INSYN1: variants seen among roughly 807,000 people sequenced by gnomAD.
INSYN1 encodes the protein UPF0583 protein C15orf59.
Under a neutral mutation model 17.1 loss-of-function variants are expected in INSYN1, and 7 were observed. The observed-to-expected ratio is 0.41, with a 90% CI of 0.23 to 0.77. The LOEUF is 0.77. Ranked by LOEUF, INSYN1 falls within the 30% of genes least tolerant of loss-of-function variation. INSYN1 has a pLI of 0.32. For synonymous variants in INSYN1, 174 were observed against 166.3 expected (o/e 1.05, Z -0.36); for missense variants, 339 against 400.6 (o/e 0.85, Z 1.31).
rs532646820 is a variant in INSYN1 at position 73,738,002 on chromosome 15, C to T, written c.*1915G>A. 2 of 152,384 alleles carry T rather than the reference C, an allele frequency of 1.3e-5. No individual in the cohort carries two copies. Among genetic ancestry groups the T allele is most frequent in the East Asian group, 1.9e-4 (1 of 5,182 alleles). 9.4% of individuals were successfully genotyped at this position (152,384 alleles called of 1,614,324 possible). Reference sequence around the variant, plus strand: ...GACCAAGCAATGGAGTGTTTGTGACCCAGGGGTGGCTCCCAGTTGGATGGA... The same window carrying T: ...GACCAAGCAATGGAGTGTTTGTGACTCAGGGGTGGCTCCCAGTTGGATGGA... On this transcript the variant is annotated 3_prime_UTR_variant, in exon 3 of 3. Transcript: ENST00000569673.
intron 2 of INSYN1, among the ~76,000 whole-genome samples, chr15:73,746,201 G>A (rs1017774468): frequency 3.8e-4 from 58 of 152,032 alleles, no homozygotes; most frequent in African/African-American, 1.4e-3. Context: ...TTCTTGGGGG[G>A]CTGTGGAGTT....
chr15:73,740,682 G>A (rs767796793), intron 2 of INSYN1, 40 bp from the exon 3 acceptor site: 14 of 1,515,308 alleles, frequency 9.2e-6, no homozygotes, highest in East Asian at 4.5e-5. Flanking sequence ...GGGGCCAGGT[G>A]GGTCCCTGCA....
chr15:73,750,878 G>A (rs965651430), intron 2 of INSYN1, 97 bp downstream of exon 2: 25 of 1,340,806 alleles, frequency 1.9e-5, no homozygotes, highest in Admixed American at 6.8e-5. Context: ...TGTGCACGCA[G>A]CTTTGCACAC....
chr15:73,737,381 C>T lies in INSYN1; in HGVS notation c.*2536G>A, dbSNP rs1216282438. 6.6e-6 allele frequency: 1 copy of T among 152,360 alleles called. No homozygotes were observed. Among genetic ancestry groups the T allele is most frequent in the Non-Finnish European group, 1.5e-5 (1 of 68,130 alleles). 9.4% of individuals were successfully genotyped at this position (152,360 alleles called of 1,614,324 possible). ...GGTCGGGGACTGCCCCCTTCTCACTCTCAGGGTGGGGCGGAATGCAGCTGG... is the reference window on the plus strand; with the variant it reads ...GGTCGGGGACTGCCCCCTTCTCACTTTCAGGGTGGGGCGGAATGCAGCTGG... On this transcript the variant is annotated 3_prime_UTR_variant, in exon 3 of 3. Transcript: ENST00000569673.
At chr15:73,744,028 T>G (rs1046193374) in intron 2 of INSYN1, among the ~76,000 whole-genome samples, 8 of 152,032 alleles carry the variant, frequency 5.3e-5, no homozygotes, top group Non-Finnish European at 1.5e-5. Context: ...AAGTTCATCA[T>G]CAAAGGAGAA....
chr15:73,740,076 C>A lies in INSYN1; in HGVS notation c.723G>T (p.Arg241=). Residue 241 remains arginine, a synonymous_variant, in exon 3 of 3, where the codon CGG becomes CGT. Transcript: ENST00000569673. ...HKPSPAPYKS[R]RSPLTSRHSG... ...AGTGGCGGCTGGTCAGTGGAGAGCG[C>A]CGTGACTTGTAGGGGGCTGGGGAGG... 6.2e-7 allele frequency: 1 copy of A among 1,613,708 alleles called. No individual in the cohort carries two copies.
At chr15:73,741,182 G>C (rs1901682733) in intron 2 of INSYN1, among the ~76,000 whole-genome samples, 1 of 152,196 alleles carries the variant, frequency 6.6e-6, no homozygotes, top group African/African-American at 2.4e-5. Context: ...ACTGGTGACT[G>C]TCGCCCCTGG....
chr15:73,747,784 C>G (rs1041816460), intron 2 of INSYN1, among the ~76,000 whole-genome samples: 1 of 152,156 alleles, frequency 6.6e-6, no homozygotes, highest in Non-Finnish European at 1.5e-5. Context: ...GCTTAGAGAA[C>G]CTGCTGGGAC....
At position 73,737,657 on chromosome 15, in the gene INSYN1, G is replaced by C. The variant is rs763723584; in HGVS notation, c.*2260C>G. ...TGAGGAATAAGCTCTACATTGCAGAGCCTCCTAGGTCTGCTCAGTCTTATC... is the reference window on the plus strand; with the variant it reads ...TGAGGAATAAGCTCTACATTGCAGACCCTCCTAGGTCTGCTCAGTCTTATC... On this transcript the variant is annotated 3_prime_UTR_variant, in exon 3 of 3. Transcript: ENST00000569673. 6.6e-6 allele frequency: 1 copy of C among 152,250 alleles called. No homozygotes were observed. Among genetic ancestry groups the C allele is most frequent in the Non-Finnish European group, 1.5e-5 (1 of 68,086 alleles). 9.4% of individuals were successfully genotyped at this position (152,250 alleles called of 1,614,324 possible).
rs1056377659 is a variant in INSYN1 at position 73,752,259 on chromosome 15, G to T, written c.-717C>A. On this transcript the variant is annotated 5_prime_UTR_variant, in exon 1 of 3. Coordinates refer to ENST00000569673, the MANE Select transcript of INSYN1 (RefSeq NM_001039614.3). The surrounding 1 kb of genome is among the most constrained non-coding windows in gnomAD (Gnocchi z 5.2). ...CAGGGAGGTCCTCCGAGCCGTGACC[G>T]GAGACATCTGGGCGGTGGGAGGGGG... 2 of 152,378 alleles carry T rather than the reference G, an allele frequency of 1.3e-5. No homozygotes were observed. Among genetic ancestry groups the T allele is most frequent in the East Asian group, 3.9e-4 (2 of 5,144 alleles). 9.4% of individuals were successfully genotyped at this position (152,378 alleles called of 1,614,324 possible).
Position 73,738,069 on chromosome 15 carries a change from G to A in INSYN1, c.*1848C>T, listed in dbSNP as rs891947403. The A allele has an allele frequency of 2.6e-5, 4 of 152,280 alleles. No homozygotes were observed. Among genetic ancestry groups the A allele is most frequent in the African/African-American group, 9.6e-5 (4 of 41,454 alleles). The allele number at this position is 152,280 out of a possible 1,614,324, so 9.4% of individuals were successfully genotyped here. ...ATCCCACTCAAAGCCCCTGTGCCCTGGAAATCACTGGACATCTGGGTTGAG... is the reference window on the plus strand; with the variant it reads ...ATCCCACTCAAAGCCCCTGTGCCCTAGAAATCACTGGACATCTGGGTTGAG... On this transcript the variant is annotated 3_prime_UTR_variant, in exon 3 of 3. Transcript: ENST00000569673.
At chr15:73,743,515 G>T (rs1314429591) in intron 2 of INSYN1, among the ~76,000 whole-genome samples, 1 of 152,026 alleles carries the variant, frequency 6.6e-6, no homozygotes, top group African/African-American at 2.4e-5. Flanking sequence ...CTCACCCAGG[G>T]TGATGAAAAT....
intron 2 of INSYN1, among the ~76,000 whole-genome samples, chr15:73,749,339 A>G (rs553593584): frequency 6.6e-6 from 1 of 152,094 alleles, no homozygotes; most frequent in Non-Finnish European, 1.5e-5. Context: ...TAGTAAATGG[A>G]CAGAGCTGGT....
rs1321263304 is a variant in INSYN1, at chr15:73,753,351, C to T, written c.-1809G>A. 2.0e-5 allele frequency among the ~76,000 whole-genome samples: 3 copies of T among 151,200 alleles called. No homozygotes were observed. The highest frequency in any genetic ancestry group is 4.4e-5 in the Non-Finnish European group (3 of 67,716). On this transcript the variant is annotated 5_prime_UTR_variant, in exon 1 of 3. Transcript: ENST00000569673. This position sits in a 1 kb window ranked among gnomAD's most constrained non-coding sequence, Gnocchi z 4.2. ...GCCTCGGCGCTGTCAGGGAAGGGGC[C>T]GGCCCGCCGCGCCGGGAGGGAGCTT...
chr15:73,740,341 C>T lies in INSYN1; in HGVS notation c.458G>A (p.Arg153Gln), dbSNP rs774974645. The change falls in exon 3 of 3, where the codon CGA becomes CAA. Residue 153 changes from arginine (R) to glutamine (Q), a missense_variant. Physicochemically the swap from Arg to Gln is conservative, Grantham distance 43. Coordinates refer to ENST00000569673, the MANE Select transcript of INSYN1 (RefSeq NM_001039614.3). ...ACTGGAGGAGTCTGGGGTCTCCACT[C>T]GTGGCCCATTGGGGATGGGCGTGCC... ...NGGTPIPNGPRVETPDSSSEE... is the reference protein window; with the variant it reads ...NGGTPIPNGPQVETPDSSSEE... The T allele has an allele frequency of 4.7e-5, 75 of 1,608,326 alleles. No homozygotes were observed. Among genetic ancestry groups the T allele is most frequent in the Middle Eastern group, 1.7e-4 (1 of 6,040 alleles).
Position 73,740,212 on chromosome 15 carries a change from G to A in INSYN1, c.587C>T (p.Ala196Val). The A allele has an allele frequency of 6.2e-7, 1 of 1,614,128 alleles. No homozygotes were observed. The highest frequency in any genetic ancestry group is 8.5e-7 in the Non-Finnish European group (1 of 1,180,036). Residue 196 changes from alanine (A) to valine (V), a missense_variant, in exon 3 of 3, where the codon GCT becomes GTT. Coordinates refer to ENST00000569673, the MANE Select transcript of INSYN1 (RefSeq NM_001039614.3). ...VRFSDKVLYH[A>V]LCCDDEEGDG... ...CCCCTCCTCATCGTCACAGCACAGAGCATGGTAGAGCACTTTGTCACTGAA... is the reference window on the plus strand; with the variant it reads ...CCCCTCCTCATCGTCACAGCACAGAACATGGTAGAGCACTTTGTCACTGAA...
rs1211243285 is a variant in INSYN1, at chr15:73,740,232, A to G, written c.567T>C (p.Ser189=). The change falls in exon 3 of 3, where the codon AGT becomes AGC. Residue 189 remains serine, a synonymous_variant. Transcript: ENST00000569673. The part of the protein sequence containing the change: ...TPGTRERVRF[S]DKVLYHALCC... ...ACAGAGCATGGTAGAGCACTTTGTCACTGAACCGCACCCTCTCCCGTGTCC... is the reference window on the plus strand; with the variant it reads ...ACAGAGCATGGTAGAGCACTTTGTCGCTGAACCGCACCCTCTCCCGTGTCC... The G allele has an allele frequency of 6.2e-7, 1 of 1,613,814 alleles. No individual in the cohort carries two copies. The highest frequency in any genetic ancestry group is 1.3e-5 in the African/African-American group (1 of 74,880).
intron 2 of INSYN1, among the ~76,000 whole-genome samples, chr15:73,748,548 C>T (rs2141471630): frequency 1.3e-5 from 2 of 152,182 alleles, no homozygotes; most frequent in Middle Eastern, 6.8e-3. Context: ...TACCCATGCC[C>T]CCGATAAAAA....
rs184206789 is a variant in INSYN1 at position 73,743,033 on chromosome 15, C to T, written c.157-2391G>A. Among the ~76,000 whole-genome samples, 287 of 152,362 alleles carry T rather than the reference C, an allele frequency of 1.9e-3. 1 individual carries two copies. The highest frequency in any genetic ancestry group is 6.6e-3 in the African/African-American group (275 of 41,594). On this transcript the variant is annotated intron_variant, in intron 2 of 2. Transcript: ENST00000569673. ...GGCATTGATGGCCTCAGGAGAGGCC[C>T]ACCACCTCTGGGGCAGCTATGCCCT...
Sources: allele counts gnomAD v4.1 joint callset (sites outside exome capture counted in the v4.1 genomes callset), GRCh38; gene constraint gnomAD v4.1.1; non-coding constraint Gnocchi (gnomAD v3.1); transcripts MANE v1.5; gene names NCBI Gene and HGNC (gene_info 2026-07-23, HGNC 2026-07-21).